FGF13: variants seen among roughly 807,000 people sequenced by gnomAD.
FGF13 encodes the protein fibroblast growth factor 13.
FGF13 carries 2 observed loss-of-function variants against 19.5 expected under a neutral mutation model. The observed-to-expected ratio is 0.10, with a 90% CI of 0.04 to 0.32. FGF13 has a LOEUF of 0.32. Ranked by LOEUF, FGF13 falls within the 10% of genes least tolerant of loss-of-function variation. The pLI is 1.00. For synonymous variants in FGF13, 72 were observed against 76.9 expected (o/e 0.94, Z 0.33); for missense variants, 113 against 192.7 (o/e 0.59, Z 2.45).
At chrX:138,816,064 C>A (rs887705680) in intron 3 of FGF13, among the ~76,000 whole-genome samples, 128 of 111,070 alleles carry the variant, frequency 1.2e-3, no homozygotes, top group Admixed American at 2.9e-4. Context: ...AGATAACTGG[C>A]AAAAGAGGAG....
intron 1 of FGF13, among the ~76,000 whole-genome samples, chrX:139,087,555 A>T (rs2083412473): frequency 8.9e-6 from 1 of 111,796 alleles, no homozygotes; most frequent in Non-Finnish European, 1.9e-5. Context: ...CTTTCGATAA[A>T]CTGTACATAC....
At chrX:138,736,704 T>C (rs1324882777) in intron 1 of FGF13, among the ~76,000 whole-genome samples, 1 of 110,917 alleles carries the variant, frequency 9.0e-6, no homozygotes. Context: ...ACAAATATAC[T>C]GTTTTATATA....
intron 1 of FGF13, among the ~76,000 whole-genome samples, chrX:139,073,053 T>C (rs905553974): frequency 9.0e-6 from 1 of 111,373 alleles, no homozygotes; most frequent in Non-Finnish European, 1.9e-5. Flanking sequence ...CTCATTAGCA[T>C]TTCTAATCCT....
intron 2 of FGF13, among the ~76,000 whole-genome samples, chrX:138,704,379 C>T (rs1366652049): frequency 8.9e-6 from 1 of 111,983 alleles, no homozygotes; most frequent in East Asian, 2.8e-4. Context: ...TAGTGCTTGC[C>T]ACACACATCT....
intron 1 of FGF13, among the ~76,000 whole-genome samples, chrX:139,168,568 T>C (rs1276259663): frequency 8.9e-5 from 10 of 111,889 alleles, no homozygotes; most frequent in Non-Finnish European, 1.3e-4. Flanking sequence ...TTATACATTC[T>C]TTACAGATAG....
intron 1 of FGF13, among the ~76,000 whole-genome samples, chrX:139,134,642 T>TG (rs1212538580): frequency 9.0e-6 from 1 of 110,983 alleles, no homozygotes; most frequent in Non-Finnish European, 1.9e-5. Context: ...CAACGTAGAG[T>TG]AGTTTAAGGC....
At chrX:139,049,883 T>A (rs1194750063) in intron 1 of FGF13, among the ~76,000 whole-genome samples, 2 of 112,362 alleles carry the variant, frequency 1.8e-5, no homozygotes, top group Non-Finnish European at 3.8e-5. Context: ...TTGAGCGAGA[T>A]CTAAATGTTT....
At chrX:138,804,070 C>A (rs181853605) in intron 3 of FGF13, among the ~76,000 whole-genome samples, 10 of 111,803 alleles carry the variant, frequency 8.9e-5, no homozygotes, top group Non-Finnish European at 9.4e-5. Flanking sequence ...TCCAGGTGAC[C>A]CCTCCAAAGT....
Position 138,618,276 on chromosome X carries a change from C to A in FGF13, c.*14574G>T, listed in dbSNP as rs988835469. On this transcript the variant is annotated 3_prime_UTR_variant, in exon 5 of 5. Transcript: ENST00000315930. ...TCTCTCAAGCTAGCAGAACTCAACACCAAGAGATACAACTTTGACTCATGA... is the reference window on the plus strand; with the variant it reads ...TCTCTCAAGCTAGCAGAACTCAACAACAAGAGATACAACTTTGACTCATGA... The A allele has an allele frequency of 9.0e-6, 1 of 111,420 alleles. No homozygotes were observed. The highest frequency in any genetic ancestry group is 1.9e-5 in the Non-Finnish European group (1 of 53,100). 9.2% of individuals were successfully genotyped at this position (111,420 alleles called of 1,213,427 possible).
intron 3 of FGF13, among the ~76,000 whole-genome samples, chrX:138,781,465 TA>T: frequency 9.3e-6 from 1 of 107,798 alleles, no homozygotes; most frequent in Middle Eastern, 4.8e-3. Flanking sequence ...ATAGACACAA[TA>T]AAAAATGATA....
intron 1 of FGF13, among the ~76,000 whole-genome samples, chrX:139,007,313 T>C (rs1036579327): frequency 2.7e-5 from 3 of 111,155 alleles, no homozygotes; most frequent in Non-Finnish European, 3.8e-5. Flanking sequence ...ATTATAAATA[T>C]ATACATATAG....
intron 1 of FGF13, among the ~76,000 whole-genome samples, chrX:138,968,190 GTGA>G (rs2091902317): frequency 8.9e-6 from 1 of 112,208 alleles, no homozygotes; most frequent in South Asian, 3.7e-4. Flanking sequence ...TCACCTGTGT[GTGA>G]TGGAGATTTC....
downstream of FGF13, among the ~76,000 whole-genome samples, chrX:138,856,746 A>G (rs781778777): frequency 8.0e-5 from 9 of 112,269 alleles, no homozygotes; most frequent in African/African-American, 2.9e-4. Flanking sequence ...CAATAAATTT[A>G]CCACATTTTA....
chrX:138,783,957 C>A (rs2090670649), intron 3 of FGF13, among the ~76,000 whole-genome samples: 1 of 103,208 alleles, frequency 9.7e-6, no homozygotes, highest in African/African-American at 3.5e-5. Context: ...AAATGTGGCA[C>A]ATATACACCA....
At chrX:139,023,660 G>C (rs929509675) in intron 1 of FGF13, among the ~76,000 whole-genome samples, 1 of 111,627 alleles carries the variant, frequency 9.0e-6, no homozygotes, top group Admixed American at 9.5e-5. Context: ...AGCATGAGAA[G>C]ATTGGTTAAG....
At chrX:138,703,800 C>T (rs1018448470) in intron 2 of FGF13, among the ~76,000 whole-genome samples, 1 of 112,372 alleles carries the variant, frequency 8.9e-6, no homozygotes, top group East Asian at 2.8e-4. Context: ...CCACAACCTC[C>T]ACCTCCTGGG....
chrX:138,825,196 A>G (rs1037423116), intron 3 of FGF13, among the ~76,000 whole-genome samples: 5 of 111,675 alleles, frequency 4.5e-5, no homozygotes, highest in African/African-American at 1.3e-4. Flanking sequence ...TATACATAAT[A>G]GTTAAAGAGC....
intron 3 of FGF13, among the ~76,000 whole-genome samples, chrX:138,842,471 G>T (rs984024263): frequency 1.1e-4 from 12 of 111,097 alleles, no homozygotes; most frequent in African/African-American, 3.9e-4. Flanking sequence ...GGATCAGGAA[G>T]AGTAAGGCGG....
At chrX:139,053,407 C>T (rs998054909) in intron 1 of FGF13, among the ~76,000 whole-genome samples, 6 of 101,326 alleles carry the variant, frequency 5.9e-5, no homozygotes, top group Non-Finnish European at 1.2e-4. Context: ...TCCATGCCAG[C>T]ATCTACTGTT....
Sources: allele counts gnomAD v4.1 joint callset (sites outside exome capture counted in the v4.1 genomes callset), GRCh38; gene constraint gnomAD v4.1.1; transcripts MANE v1.5; gene names NCBI Gene and HGNC (gene_info 2026-07-23, HGNC 2026-07-21).